Variants in CLRN2 observed in about 807,000 individuals in gnomAD.
CLRN2 encodes the protein clarin-2.
CLRN2 carries 17 observed loss-of-function variants against 20.1 expected under a neutral mutation model. That is an observed-to-expected ratio of 0.85 (90% CI 0.58 to 1.27). The LOEUF (loss-of-function observed/expected upper bound fraction) is 1.27, where lower values mean the gene tolerates loss of function less well. CLRN2 is among the 50% of genes most tolerant of loss of function. CLRN2 has a pLI of 0.00. For missense variants in CLRN2, 288 were observed against 299.5 expected (o/e 0.96, Z 0.28); for synonymous variants, 140 against 126.9 (o/e 1.10, Z -0.70).
chr4:17,515,561 T>C, intron 1 of CLRN2, 42 bp downstream of exon 1: 1 of 1,599,670 alleles, frequency 6.3e-7, no homozygotes, highest in Non-Finnish European at 8.5e-7. Context: ...TAGGCACTCA[T>C]TTTTGTTAAT....
chr4:17,516,731 A>G (rs1711685073), intron 1 of CLRN2, among the ~76,000 whole-genome samples: 1 of 152,044 alleles, frequency 6.6e-6, no homozygotes. Flanking sequence ...ACACACACAC[A>G]TAAACAAATA....
At chr4:17,521,045 A>G (rs1368407618) in intron 1 of CLRN2, among the ~76,000 whole-genome samples, 2 of 152,092 alleles carry the variant, frequency 1.3e-5, no homozygotes, top group Non-Finnish European at 2.9e-5. Flanking sequence ...AAATATCAGC[A>G]CAAGCTACTG....
intron 1 of CLRN2, among the ~76,000 whole-genome samples, chr4:17,519,813 A>C (rs1189564550): frequency 3.3e-5 from 5 of 152,166 alleles, no homozygotes; most frequent in African/African-American, 1.2e-4. Flanking sequence ...AGAAAGTAGA[A>C]AGAACTGGTG....
At chr4:17,521,325 C>T (rs2597786) in intron 1 of CLRN2, among the ~76,000 whole-genome samples, 50,540 of 151,976 alleles carry the variant, frequency 0.33, 8,755 homozygotes, top group Admixed American at 0.47. Context: ...GGACACCTAA[C>T]GGGAAAAACA....
intron 1 of CLRN2, among the ~76,000 whole-genome samples, chr4:17,518,145 G>A (rs1227469607): frequency 1.3e-5 from 2 of 151,992 alleles, no homozygotes; most frequent in Non-Finnish European, 2.9e-5. Flanking sequence ...CTGGGATGGG[G>A]AGGTTTATTG....
chr4:17,523,531 C>T (rs1711888732), intron 2 of CLRN2, among the ~76,000 whole-genome samples: 1 of 151,870 alleles, frequency 6.6e-6, no homozygotes, highest in Non-Finnish European at 1.5e-5. Flanking sequence ...AAAGAAGCAT[C>T]TTATTAGAGT....
At chr4:17,516,099 C>T (rs1337074084) in intron 1 of CLRN2, among the ~76,000 whole-genome samples, 2 of 152,210 alleles carry the variant, frequency 1.3e-5, no homozygotes, top group Non-Finnish European at 2.9e-5. Flanking sequence ...TGAGAAAATG[C>T]AAAGGGGCAC....
intron 2 of CLRN2, among the ~76,000 whole-genome samples, chr4:17,524,263 T>C (rs1178846532): frequency 9.3e-5 from 14 of 151,036 alleles, no homozygotes; most frequent in Admixed American, 8.6e-4. Flanking sequence ...TGGGAGTATA[T>C]TGATGCACAG....
Position 17,526,946 on chromosome 4 carries a change from C to T in CLRN2, c.563C>T (p.Ser188Leu), listed in dbSNP as rs1371007513. 6 of 1,613,880 alleles carry T rather than the reference C, an allele frequency of 3.7e-6. No homozygotes were observed. In the South Asian group the frequency reaches 6.6e-5, roughly 18 times the overall value. ...FVVVEEQYEESFWICVASASA... is the reference protein window; with the variant it reads ...FVVVEEQYEELFWICVASASA... ...GTGGTGGAAGAACAGTATGAAGAGT[C>T]GTTTTGGATCTGCGTGGCCAGCGCT... Residue 188 changes from serine (S) to leucine (L), a missense_variant, in exon 3 of 3, where the codon TCG (serine) becomes TTG (leucine). Transcript: ENST00000511148.
At chr4:17,524,235 T>TGTGTGTGTGTGC (rs762042329) in intron 2 of CLRN2, among the ~76,000 whole-genome samples, 50 of 140,062 alleles carry the variant, frequency 3.6e-4, no homozygotes, top group South Asian at 1.6e-3. Flanking sequence ...TGTGTGTGTG[T>TGTGTGTGTGTGC]GCGCGCGCAT....
intron 1 of CLRN2, among the ~76,000 whole-genome samples, chr4:17,518,896 T>C (rs1324294058): frequency 6.6e-6 from 1 of 152,236 alleles, no homozygotes; most frequent in East Asian, 1.9e-4. Flanking sequence ...ATTTTTACTA[T>C]GCTAGAGAAG....
At chr4:17,525,643 C>T (rs1711955266) in intron 2 of CLRN2, among the ~76,000 whole-genome samples, 1 of 152,136 alleles carries the variant, frequency 6.6e-6, no homozygotes, top group Non-Finnish European at 1.5e-5. Flanking sequence ...GAGCAAGACC[C>T]TGTCTCAAAA....
Position 17,522,889 on chromosome 4 carries a change from C to G in CLRN2, c.279C>G (p.Leu93=). The G allele has an allele frequency of 6.2e-7, 1 of 1,613,944 alleles. No individual in the cohort carries two copies. The highest frequency in any genetic ancestry group is 1.1e-5 in the South Asian group (1 of 91,062). The change falls in exon 2 of 3, where the codon CTC becomes CTG. Residue 93 remains leucine (L), a synonymous_variant. Transcript: ENST00000511148. ...FTIFPHLVKE[L]NAGLHVMILL... Reference sequence around the variant, plus strand: ...TCTTCCCACACCTGGTGAAGGAGCTCAACGCAGGCCTTCATGTGATGATTC... The same window carrying G: ...TCTTCCCACACCTGGTGAAGGAGCTGAACGCAGGCCTTCATGTGATGATTC...
chr4:17,525,487 A>G (rs544780207), intron 2 of CLRN2, among the ~76,000 whole-genome samples: 6 of 152,024 alleles, frequency 3.9e-5, no homozygotes, highest in African/African-American at 1.4e-4. Flanking sequence ...AAACAAACCA[A>G]CAAAAATCAA....
chr4:17,515,362 C>G lies in CLRN2; in HGVS notation c.96C>G (p.His32Gln), dbSNP rs748155689. The change falls in exon 1 of 3, where the codon CAC becomes CAG. Residue 32 changes from histidine (H) to glutamine (Q), a missense_variant. By Grantham distance (24) the His-to-Gln change is conservative. Coordinates refer to ENST00000511148, the MANE Select transcript of CLRN2 (RefSeq NM_001079827.2). ...ILIIVALVVP[H>Q]WLSGKILCQT... Reference sequence around the variant, plus strand: ...TCATCGTTGCCCTGGTAGTGCCCCACTGGCTGAGTGGGAAAATCCTTTGTC... The same window carrying G: ...TCATCGTTGCCCTGGTAGTGCCCCAGTGGCTGAGTGGGAAAATCCTTTGTC... 1.9e-6 allele frequency: 3 copies of G among 1,614,016 alleles called. No homozygotes were observed. The highest frequency in any genetic ancestry group is 2.7e-5 in the African/African-American group (2 of 75,042).
intron 2 of CLRN2, among the ~76,000 whole-genome samples, chr4:17,524,033 A>G (rs1299582226): frequency 6.6e-6 from 1 of 151,904 alleles, no homozygotes; most frequent in Non-Finnish European, 1.5e-5. Context: ...TAGACCCACA[A>G]TTACAGATGA....
chr4:17,525,696 A>G (rs1711956345), intron 2 of CLRN2, among the ~76,000 whole-genome samples: 1 of 152,216 alleles, frequency 6.6e-6, no homozygotes, highest in Non-Finnish European at 1.5e-5. Flanking sequence ...GTAACAGAAT[A>G]TGTAACAACA....
chr4:17,516,760 A>T (rs970681032), intron 1 of CLRN2, among the ~76,000 whole-genome samples: 1 of 144,348 alleles, frequency 6.9e-6, no homozygotes, highest in African/African-American at 2.6e-5. Flanking sequence ...AAATGCTAAA[A>T]GCTAACCATG....
chr4:17,521,038 T>A (rs2518603), intron 1 of CLRN2, among the ~76,000 whole-genome samples: 150,208 of 152,210 alleles, frequency 0.99, 74,145 homozygotes, highest in East Asian at 1. Flanking sequence ...AATAAATAAA[T>A]ATCAGCACAA....
Sources: allele counts gnomAD v4.1 joint callset (sites outside exome capture counted in the v4.1 genomes callset), GRCh38; gene constraint gnomAD v4.1.1; transcripts MANE v1.5; gene names NCBI Gene and HGNC (gene_info 2026-07-23, HGNC 2026-07-21).